The following MSR1 variants were observed in gnomAD, a reference collection of about 807,000 sequenced individuals.
MSR1 encodes the protein macrophage scavenger receptor 1.
A neutral mutation model predicts 47.2 loss-of-function variants in MSR1; 53 were observed. The observed-to-expected ratio is 1.12, with a 90% CI of 0.90 to 1.41. The LOEUF is 1.41. Ranked by LOEUF, MSR1 falls within the 40% of genes most tolerant of loss-of-function variation. The pLI, the probability that MSR1 is intolerant of heterozygous loss-of-function variation, is 0.00. For missense variants in MSR1, 786 were observed against 546.9 expected (o/e 1.44, Z -4.36); for synonymous variants, 239 against 185.6 (o/e 1.29, Z -2.34).
chr8:16,168,790 T>C lies in MSR1; in HGVS notation c.298A>G (p.Lys100Glu). ...ATTTCCTCTTCGCTGTCATTTCCTT[T>C]TCCCGTGAGACTTTGAGTTATATCA... ...ANDITQSLTG[K>E]GNDSEEEMRF... The change falls in exon 4 of 10, where the codon AAA (lysine) becomes GAA (glutamate). Residue 100 changes from lysine (K) to glutamate (E), a missense_variant. Transcript: ENST00000262101. The C allele has an allele frequency of 6.2e-7, 1 of 1,614,120 alleles. No individual in the cohort carries two copies. The highest frequency in any genetic ancestry group is 8.5e-7 in the Non-Finnish European group (1 of 1,180,008).
Position 16,110,109 on chromosome 8 carries a change from A to G in MSR1, c.1332T>C (p.Asp444=). ...WGTRACSHSE[D]AGVTCTL Reference sequence around the variant, plus strand: ...ATTATAAAGTGCAAGTGACTCCAGCATCTTCAGAATGTGAACAGGCTCTTG... The same window carrying G: ...ATTATAAAGTGCAAGTGACTCCAGCGTCTTCAGAATGTGAACAGGCTCTTG... Residue 444 remains aspartate, a synonymous_variant, in exon 10 of 10, where the codon GAT becomes GAC. Coordinates refer to ENST00000262101, the MANE Select transcript of MSR1 (RefSeq NM_138715.3). 11 of 1,613,718 alleles carry G rather than the reference A, an allele frequency of 6.8e-6. No individual in the cohort carries two copies. The highest frequency in any genetic ancestry group is 9.3e-6 in the Non-Finnish European group (11 of 1,179,726).
At chr8:16,176,357 AT>A (rs1048144233) in intron 2 of MSR1, among the ~76,000 whole-genome samples, 10 of 152,042 alleles carry the variant, frequency 6.6e-5, no homozygotes, top group Non-Finnish European at 2.9e-5. Flanking sequence ...AACTACAAAA[AT>A]TAGCCAGTCA....
chr8:16,123,656 C>A (rs1234699050), intron 8 of MSR1, among the ~76,000 whole-genome samples: 2 of 151,638 alleles, frequency 1.3e-5, no homozygotes, highest in Non-Finnish European at 2.9e-5. Context: ...ACATTCAAAT[C>A]AAATAAACAC....
intron 5 of MSR1, among the ~76,000 whole-genome samples, chr8:16,158,130 T>G (rs1378097061): frequency 6.6e-6 from 1 of 151,968 alleles, no homozygotes; most frequent in Non-Finnish European, 1.5e-5. Flanking sequence ...GGGTTAATAT[T>G]GGCCAAAATA....
intron 8 of MSR1, among the ~76,000 whole-genome samples, chr8:16,131,851 TTG>T (rs1488806030): frequency 9.9e-5 from 15 of 152,132 alleles, no homozygotes; most frequent in Non-Finnish European, 1.9e-4. Flanking sequence ...GTGTCTGTTT[TTG>T]TACTAGTACC....
At chr8:16,130,880 A>T (rs1800240164) in intron 8 of MSR1, among the ~76,000 whole-genome samples, 1 of 152,090 alleles carries the variant, frequency 6.6e-6, no homozygotes, top group Non-Finnish European at 1.5e-5. Context: ...CCAGTCTACC[A>T]ATGATGGGCA....
At chr8:16,131,430 C>G (rs1286958422) in intron 8 of MSR1, among the ~76,000 whole-genome samples, 3 of 119,804 alleles carry the variant, frequency 2.5e-5, no homozygotes, top group Non-Finnish European at 5.0e-5. Flanking sequence ...TATCTGTTTA[C>G]TCTGTTGATA....
chr8:16,177,805 T>A (rs2117209307), intron 2 of MSR1, 81 bp downstream of exon 2: 1 of 1,076,156 alleles, frequency 9.3e-7, no homozygotes, highest in African/African-American at 1.5e-5. Context: ...ACATTTAAGG[T>A]AAGTCTCAAG....
intron 1 of MSR1, among the ~76,000 whole-genome samples, chr8:16,189,096 T>G (rs991121778): frequency 6.8e-6 from 1 of 146,126 alleles, no homozygotes; most frequent in African/African-American, 2.5e-5. Context: ...ACGCAAAACC[T>G]TATTTTACAT....
chr8:16,178,488 T>C (rs573697969), intron 1 of MSR1, among the ~76,000 whole-genome samples: 8 of 152,348 alleles, frequency 5.3e-5, no homozygotes, highest in African/African-American at 1.9e-4. Flanking sequence ...CCACATTTTC[T>C]TAATCCAGGC....
intron 5 of MSR1, among the ~76,000 whole-genome samples, chr8:16,156,875 T>C (rs1240761498): frequency 6.6e-6 from 1 of 151,944 alleles, no homozygotes; most frequent in Non-Finnish European, 1.5e-5. Context: ...GTGCCCCCTA[T>C]TCCCTGCAGA....
At chr8:16,191,887 G>T (rs527385958) in intron 1 of MSR1, among the ~76,000 whole-genome samples, 1 of 152,056 alleles carries the variant, frequency 6.6e-6, no homozygotes, top group Non-Finnish European at 1.5e-5. Flanking sequence ...ATTTATTTTT[G>T]ATAGACTTTT....
intron 1 of MSR1, among the ~76,000 whole-genome samples, chr8:16,190,086 G>T (rs1393030256): frequency 6.6e-6 from 1 of 151,368 alleles, no homozygotes; most frequent in East Asian, 2.0e-4. Context: ...GCTCATTTTT[G>T]TATTTTTCAC....
intron 1 of MSR1, 137 bp from the exon 2 acceptor site, chr8:16,178,129 G>A: frequency 1.5e-6 from 1 of 653,110 alleles, no homozygotes; most frequent in Non-Finnish European, 2.6e-6. Flanking sequence ...TATACTTTAA[G>A]CTCTAGGGTA....
chr8:16,142,536 A>T (rs1190042716), intron 8 of MSR1, among the ~76,000 whole-genome samples: 6 of 152,166 alleles, frequency 3.9e-5, no homozygotes, highest in African/African-American at 1.2e-4. Context: ...TCATGATTAC[A>T]CTAATGACTA....
chr8:16,171,145 G>A (rs558842569), intron 3 of MSR1, among the ~76,000 whole-genome samples: 55 of 148,430 alleles, frequency 3.7e-4, no homozygotes, highest in African/African-American at 1.3e-3. Flanking sequence ...AATTGCTTGA[G>A]CCCGGGAGGC....
At chr8:16,126,024 G>C (rs1800120376) in intron 8 of MSR1, among the ~76,000 whole-genome samples, 1 of 151,990 alleles carries the variant, frequency 6.6e-6, no homozygotes, top group African/African-American at 2.4e-5. Flanking sequence ...CTGTGTATTA[G>C]CTATTTATTA....
intron 8 of MSR1, among the ~76,000 whole-genome samples, chr8:16,136,519 G>C (rs1234040738): frequency 6.6e-6 from 1 of 150,838 alleles, no homozygotes; most frequent in Non-Finnish European, 1.5e-5. Context: ...TTTTTGCCTT[G>C]GTCTGGAACT....
chr8:16,172,775 G>C (rs1801522504), intron 3 of MSR1, among the ~76,000 whole-genome samples: 1 of 151,988 alleles, frequency 6.6e-6, no homozygotes, highest in East Asian at 1.9e-4. Flanking sequence ...TTTAAGAAAA[G>C]ATTGTAAATG....
Sources: gnomAD v4.1 joint callset for allele counts (sites outside exome capture counted in the v4.1 genomes callset) on GRCh38, gnomAD v4.1.1 for gene constraint, MANE v1.5 for transcripts, NCBI Gene and HGNC (gene_info 2026-07-23, HGNC 2026-07-21) for gene names.